C12orf42: variants seen among roughly 807,000 people sequenced by gnomAD.
C12orf42 encodes chromosome 12 open reading frame 42, also known as uncharacterized protein C12orf42.
C12orf42 carries 25 observed loss-of-function variants against 21.6 expected under a neutral mutation model. The ratio of observed to expected loss-of-function variants is 1.16; its 90% CI spans 0.84 to 1.62. C12orf42 has a LOEUF of 1.62. C12orf42 is among the 40% of genes most tolerant of loss of function. The pLI, the probability that C12orf42 is intolerant of heterozygous loss-of-function variation, is 0.00. For missense variants in C12orf42, 483 were observed against 459.3 expected (o/e 1.05, Z -0.47); for synonymous variants, 174 against 175.0 (o/e 0.99, Z 0.05).
In C12orf42 at chr12:103,302,253, G is replaced by T. The variant is rs763057052; in HGVS notation, c.938C>A (p.Pro313His). The T allele has an allele frequency of 1.9e-6, 3 of 1,612,088 alleles. No individual in the cohort carries two copies. Among genetic ancestry groups the T allele is most frequent in the Non-Finnish European group, 2.5e-6 (3 of 1,178,830 alleles). Residue 313 changes from proline to histidine, a missense_variant, in exon 6 of 6, where the codon CCT becomes CAT. Physicochemically the swap from Pro to His is moderately conservative, Grantham distance 77. Coordinates refer to ENST00000548883, the MANE Select transcript of C12orf42 (RefSeq NM_198521.5). The stretch of plus-strand genomic sequence containing the variant: ...ATGGGTGGAAGCACCGGCCAGCAGA[G>T]GAAGGGGCGCTCCTGCCAGATTGCC... The part of the protein sequence containing the change: ...LHGNLAGAPL[P>H]LLAGASTHFP...
the C12orf42 span, among the ~76,000 whole-genome samples, chr12:103,221,765 G>T: frequency 6.6e-6 from 1 of 152,254 alleles, no homozygotes; most frequent in East Asian, 1.9e-4. Flanking sequence ...CATTTATAAC[G>T]TGAGGAGAGT....
chr12:103,231,887 A>T, the C12orf42 span, among the ~76,000 whole-genome samples: 1 of 152,178 alleles, frequency 6.6e-6, no homozygotes, highest in African/African-American at 2.4e-5. Flanking sequence ...AAAACTGCCA[A>T]ACTGTCTTCC....
the C12orf42 span, among the ~76,000 whole-genome samples, chr12:103,507,762 A>G: frequency 1.4e-4 from 21 of 152,164 alleles, 1 homozygote; most frequent in African/African-American, 4.3e-4. Flanking sequence ...CATTCATGAG[A>G]TCCATTATAT....
At chr12:103,507,095 T>A in the C12orf42 span, among the ~76,000 whole-genome samples, 1 of 9,940 alleles carries the variant, frequency 1.0e-4, no homozygotes, top group Non-Finnish European at 1.2e-4. Flanking sequence ...TAATATATAT[T>A]ATATATATAA....
the C12orf42 span, among the ~76,000 whole-genome samples, chr12:103,189,528 T>C: frequency 6.6e-6 from 1 of 151,888 alleles, no homozygotes; most frequent in Non-Finnish European, 1.5e-5. Context: ...CATTGAAGAG[T>C]GTAGGAAGGA....
At chr12:103,409,673 T>C (rs2048686255) in intron 2 of C12orf42, among the ~76,000 whole-genome samples, 1 of 152,222 alleles carries the variant, frequency 6.6e-6, no homozygotes, top group Non-Finnish European at 1.5e-5. Context: ...AATTATCAAC[T>C]TTTTAATAGA....
intron 1 of C12orf42, among the ~76,000 whole-genome samples, chr12:103,483,229 C>T (rs1004118966): frequency 7.2e-5 from 11 of 151,928 alleles, no homozygotes; most frequent in Admixed American, 3.3e-4. Flanking sequence ...GGTGATGATG[C>T]GTGTAGGTTA....
At chr12:103,423,366 T>G (rs1271194838) in intron 2 of C12orf42, among the ~76,000 whole-genome samples, 1 of 152,218 alleles carries the variant, frequency 6.6e-6, no homozygotes, top group Non-Finnish European at 1.5e-5. Flanking sequence ...AGTTCTGGCC[T>G]GTTGTATTCA....
intron 4 of C12orf42, among the ~76,000 whole-genome samples, chr12:103,358,807 C>T (rs892949489): frequency 2.0e-5 from 3 of 152,030 alleles, no homozygotes; most frequent in Non-Finnish European, 4.4e-5. Context: ...CTGTGAACTC[C>T]CTGCTTCCTC....
At chr12:103,325,413 C>T (rs1393390635) in intron 4 of C12orf42, among the ~76,000 whole-genome samples, 1 of 152,214 alleles carries the variant, frequency 6.6e-6, no homozygotes, top group East Asian at 1.9e-4. Flanking sequence ...AGTGCATGTG[C>T]CTGCCCAACT....
At position 103,368,904 on chromosome 12, in the gene C12orf42, T is replaced by C. The variant is rs1379205482; in HGVS notation, c.242A>G (p.His81Arg). 3.2e-6 allele frequency: 5 copies of C among 1,569,976 alleles called. No individual in the cohort carries two copies. Among genetic ancestry groups the C allele is most frequent in the Non-Finnish European group, 4.4e-6 (5 of 1,147,948 alleles). Residue 81 changes from histidine to arginine, a missense_variant, in exon 4 of 6, where the codon CAC (histidine) becomes CGC (arginine). By Grantham distance (29) the His-to-Arg change is conservative. Coordinates refer to ENST00000548883, the MANE Select transcript of C12orf42 (RefSeq NM_198521.5). ...TAATTTACCTGGAAAATTCAGAAAGTGTAGACTACGAAATTTAGGAGATTC... is the reference window on the plus strand; with the variant it reads ...TAATTTACCTGGAAAATTCAGAAAGCGTAGACTACGAAATTTAGGAGATTC... The part of the protein sequence containing the change: ...FSESPKFRSL[H>R]FLNFPVFPER...
chr12:103,502,297 C>T, the C12orf42 span, among the ~76,000 whole-genome samples: 1 of 152,164 alleles, frequency 6.6e-6, no homozygotes, highest in Admixed American at 6.5e-5. Flanking sequence ...AACAAGACTC[C>T]CAAATACCTC....
chr12:103,160,530 T>C, the C12orf42 span, among the ~76,000 whole-genome samples: 18 of 152,344 alleles, frequency 1.2e-4, 1 homozygote, highest in African/African-American at 3.8e-4. Flanking sequence ...GGAGTGGGAC[T>C]TGAAATCACC....
At chr12:103,323,007 G>A (rs1354213520) in intron 4 of C12orf42, among the ~76,000 whole-genome samples, 2 of 152,180 alleles carry the variant, frequency 1.3e-5, no homozygotes, top group Non-Finnish European at 2.9e-5. Flanking sequence ...TTCTGCAGAT[G>A]ATGAAGAAAT....
intron 4 of C12orf42, among the ~76,000 whole-genome samples, chr12:103,313,057 C>G (rs937933492): frequency 6.6e-6 from 1 of 152,188 alleles, no homozygotes; most frequent in Non-Finnish European, 1.5e-5. Context: ...TTTCCTCTCT[C>G]TCATGCTTGT....
the C12orf42 span, among the ~76,000 whole-genome samples, chr12:103,153,099 TC>T: frequency 6.6e-6 from 1 of 152,198 alleles, no homozygotes; most frequent in Non-Finnish European, 1.5e-5. Context: ...AATAAATGGT[TC>T]TGTGTCTATT....
the C12orf42 span, among the ~76,000 whole-genome samples, chr12:103,225,470 G>A: frequency 6.6e-6 from 1 of 152,118 alleles, no homozygotes; most frequent in Admixed American, 6.5e-5. Context: ...AAGATGGTAA[G>A]GGATGCATGA....
the C12orf42 span, among the ~76,000 whole-genome samples, chr12:103,524,964 G>A: frequency 2.7e-5 from 4 of 149,848 alleles, no homozygotes; most frequent in African/African-American, 4.9e-5. Flanking sequence ...AGTTTTTTTG[G>A]GGGGGGGGCA....
chr12:103,300,212 A>G (rs1365636337), downstream of C12orf42, among the ~76,000 whole-genome samples: 4 of 152,208 alleles, frequency 2.6e-5, no homozygotes, highest in Non-Finnish European at 4.4e-5. Context: ...ACACAAATCT[A>G]TCAGGATTCC....
Sources: gnomAD v4.1 joint callset for allele counts (sites outside exome capture counted in the v4.1 genomes callset) on GRCh38, gnomAD v4.1.1 for gene constraint, MANE v1.5 for transcripts, NCBI Gene and HGNC (gene_info 2026-07-23, HGNC 2026-07-21) for gene names.